The following SMIM20 variants were observed in gnomAD, a reference collection of about 807,000 sequenced individuals.
SMIM20 encodes mitochondrial translation regulation assembly intermediate of cytochrome c oxidase protein of 7 kDa.
Under a neutral mutation model 8.7 loss-of-function variants are expected in SMIM20, and 3 were observed. That is an observed-to-expected ratio of 0.34 (90% CI 0.16 to 0.89). The LOEUF (loss-of-function observed/expected upper bound fraction) is 0.89. Ranked by LOEUF, SMIM20 falls within the 40% of genes least tolerant of loss-of-function variation. The pLI is 0.49. For synonymous variants in SMIM20, 44 were observed against 33.6 expected, an observed-to-expected ratio of 1.31 and a Z score of -1.07; for missense variants, 85 against 84.8, an observed-to-expected ratio of 1.00 and a Z score of -0.01.
At chr4:25,915,842 C>T (rs1271570486) in intron 1 of SMIM20, among the ~76,000 whole-genome samples, 1 of 94,364 alleles carries the variant, frequency 1.1e-5, no homozygotes, top group African/African-American at 4.7e-5. Context: ...TTTTGCTTGT[C>T]ACAACTTGGG....
rs112115753 is a variant in SMIM20 at position 25,928,203 on chromosome 4, C to G, written c.110-110C>G. The G allele has an allele frequency of 1.7e-3, 1,779 of 1,074,026 alleles. 27 individuals carry two copies. The African/African-American group carries it at 0.023, about 14-fold the overall frequency. The allele number at this position is 1,074,026 out of a possible 1,614,324, so 66.5% of individuals were successfully genotyped here. On this transcript the variant is annotated intron_variant, in intron 1 of 2. Transcript: ENST00000506197. Reference sequence around the variant, plus strand: ...AATAGCGTATCTGAATTTAACAGCACTCATAAATACTGTTTTCTAATTGTC... The same window carrying G: ...AATAGCGTATCTGAATTTAACAGCAGTCATAAATACTGTTTTCTAATTGTC...
intron 1 of SMIM20, among the ~76,000 whole-genome samples, chr4:25,918,178 G>A (rs1367402308): frequency 6.6e-6 from 1 of 151,976 alleles, no homozygotes; most frequent in Non-Finnish European, 1.5e-5. Flanking sequence ...TCCTGACCTC[G>A]TGATCCGCCT....
chr4:25,919,194 G>A (rs942300237), intron 1 of SMIM20, among the ~76,000 whole-genome samples: 22 of 152,156 alleles, frequency 1.4e-4, no homozygotes, highest in South Asian at 2.1e-4. Context: ...GTGAGCCACC[G>A]CGCCTGGCCT....
At chr4:25,917,350 G>A (rs1719107473) in intron 1 of SMIM20, among the ~76,000 whole-genome samples, 1 of 152,046 alleles carries the variant, frequency 6.6e-6, no homozygotes, top group South Asian at 2.1e-4. Context: ...ATTAAATGGG[G>A]TAACAGGTGT....
chr4:25,915,555 TA>T (rs1719068446), intron 1 of SMIM20, among the ~76,000 whole-genome samples: 1 of 152,208 alleles, frequency 6.6e-6, no homozygotes, highest in African/African-American at 2.4e-5. Context: ...TTCTTTTCAT[TA>T]GCCAAGACTG....
At chr4:25,922,101 A>G (rs995245333) in intron 1 of SMIM20, among the ~76,000 whole-genome samples, 4 of 152,242 alleles carry the variant, frequency 2.6e-5, no homozygotes, top group Non-Finnish European at 5.9e-5. Flanking sequence ...TAAGTTGACT[A>G]TTAATAGTGT....
At position 25,929,515 on chromosome 4, in the gene SMIM20, C is replaced by T. The variant is rs182862544; in HGVS notation, c.*324C>T. On this transcript the variant is annotated 3_prime_UTR_variant, in exon 3 of 3. Transcript: ENST00000506197. ...TGTCGTTACCACTTACTCAAGCGAG[C>T]TGTGATATGAATACAAGCAACCAGT... 1.2e-5 allele frequency: 3 copies of T among 246,048 alleles called. No individual in the cohort carries two copies. In the East Asian group the frequency reaches 2.5e-4, roughly 20 times the overall value. The allele number at this position is 246,048 out of a possible 1,614,324, so 15.2% of individuals were successfully genotyped here. A position where few individuals can be genotyped will look rare whatever the true frequency, so the allele number is the denominator to read the frequency against.
chr4:25,916,894 A>G (rs6448415), intron 1 of SMIM20, among the ~76,000 whole-genome samples: 56,520 of 152,066 alleles, frequency 0.37, 10,938 homozygotes, highest in East Asian at 0.63. Flanking sequence ...CTTCAGTGCC[A>G]GCAACTGATT....
intron 1 of SMIM20, among the ~76,000 whole-genome samples, chr4:25,915,854 T>TGGGGGGGGGGG (rs1267183562): frequency 1.1e-4 from 2 of 18,942 alleles, no homozygotes; most frequent in Admixed American, 6.8e-4. Context: ...CAACTTGGGA[T>TGGGGGGGGGGG]GGGGCGGGGG....
At chr4:25,924,604 T>C (rs1342512278) in intron 1 of SMIM20, among the ~76,000 whole-genome samples, 3 of 152,208 alleles carry the variant, frequency 2.0e-5, no homozygotes, top group Non-Finnish European at 4.4e-5. Flanking sequence ...TCTCCCCCTA[T>C]ATATAACATA....
At chr4:25,924,260 T>C (rs1719248518) in intron 1 of SMIM20, among the ~76,000 whole-genome samples, 1 of 152,226 alleles carries the variant, frequency 6.6e-6, no homozygotes. Flanking sequence ...AAAGATAGCT[T>C]CTTTGAAATA....
chr4:25,928,208 A>G (rs1442551535), intron 1 of SMIM20, 105 bp from the exon 2 acceptor site: 1 of 1,170,434 alleles, frequency 8.5e-7, no homozygotes, highest in East Asian at 2.6e-5. Context: ...CAGCACTCAT[A>G]AATACTGTTT....
At chr4:25,925,439 G>A (rs765872149) in intron 1 of SMIM20, among the ~76,000 whole-genome samples, 22 of 151,996 alleles carry the variant, frequency 1.4e-4, no homozygotes, top group Non-Finnish European at 3.1e-4. Flanking sequence ...GTTTCGTCAC[G>A]TTGGCCAGGC....
At chr4:25,923,898 G>A (rs925736678) in intron 1 of SMIM20, among the ~76,000 whole-genome samples, 10 of 152,228 alleles carry the variant, frequency 6.6e-5, no homozygotes, top group African/African-American at 2.2e-4. Context: ...GATTCAACCA[G>A]GCTCTGGTGA....
At chr4:25,923,699 G>A (rs2109365015) in intron 1 of SMIM20, among the ~76,000 whole-genome samples, 2 of 152,364 alleles carry the variant, frequency 1.3e-5, no homozygotes, top group East Asian at 1.9e-4. Flanking sequence ...CCCAAAAGGA[G>A]GCTATGCCTA....
intron 1 of SMIM20, 26 bp downstream of exon 1, chr4:25,914,448 T>C: frequency 6.9e-7 from 1 of 1,441,570 alleles, no homozygotes; most frequent in South Asian, 1.5e-5. Context: ...CCCCTTGCGG[T>C]GACCTGACTC....
chr4:25,928,081 G>A, intron 1 of SMIM20: 1 of 372,018 alleles, frequency 2.7e-6, no homozygotes. Flanking sequence ...TAGTTGGGGA[G>A]CTTTTCTTTT....
Position 25,914,400 on chromosome 4 carries a change from C to T in SMIM20, c.87C>T (p.Pro29=). The T allele has an allele frequency of 6.5e-7, 1 of 1,528,044 alleles. No homozygotes were observed. The highest frequency in any genetic ancestry group is 1.2e-5 in the South Asian group (1 of 81,404). 94.7% of individuals were successfully genotyped at this position (1,528,044 alleles called of 1,614,324 possible). The stretch of plus-strand genomic sequence containing the variant: ...CCTTCTATCCCATCTACTTCCGGCC[C>T]CTAATGAGATTGGAGGAGTACAGTG... The part of the protein sequence containing the change: ...GAAFYPIYFR[P]LMRLEEYKKE... The change falls in exon 1 of 3, where the codon CCC becomes CCT. Residue 29 remains proline (P), a synonymous_variant. Transcript: ENST00000506197.
At chr4:25,918,405 AAATTCTGGAT>A (rs1471384262) in intron 1 of SMIM20, among the ~76,000 whole-genome samples, 9 of 152,146 alleles carry the variant, frequency 5.9e-5, no homozygotes, top group Non-Finnish European at 1.3e-4. Context: ...ACAATCTAGA[AAATTCTGGAT>A]AATTTTTTCT....
Sources: allele counts gnomAD v4.1 joint callset (sites outside exome capture counted in the v4.1 genomes callset), GRCh38; gene constraint gnomAD v4.1.1; transcripts MANE v1.5; gene names NCBI Gene and HGNC (gene_info 2026-07-23, HGNC 2026-07-21).